Variants in MTNAP1 observed in about 807,000 individuals in gnomAD.
The protein encoded by MTNAP1 is mitochondrial nucleoid-associated protein 1.
At chr17:73,248,153 G>A in the MTNAP1 span, 1 of 263,282 alleles carries the variant, frequency 3.8e-6, no homozygotes, top group Non-Finnish European at 7.3e-6. Context: ...TTTCGCTCAT[G>A]TATGCAAAAT....
chr17:73,236,873 G>A, the MTNAP1 span: 2 of 1,613,982 alleles, frequency 1.2e-6, no homozygotes, highest in African/African-American at 2.7e-5. Flanking sequence ...GGGCTGGAGT[G>A]GTTTCCAGAG....
chr17:73,235,438 C>G, the MTNAP1 span: 1 of 1,501,008 alleles, frequency 6.7e-7, no homozygotes, highest in Non-Finnish European at 9.1e-7. Flanking sequence ...TATGTACAAA[C>G]TATGTGCTTC....
the MTNAP1 span, chr17:73,245,849 T>C: frequency 6.6e-6 from 3 of 455,166 alleles, no homozygotes; most frequent in Non-Finnish European, 8.7e-6. Context: ...CGGTGGCTAA[T>C]GTATCATCTC....
the MTNAP1 span, among the ~76,000 whole-genome samples, chr17:73,241,895 C>T: frequency 6.6e-6 from 1 of 152,170 alleles, no homozygotes; most frequent in Non-Finnish European, 1.5e-5. Context: ...TGCCACTGCA[C>T]TCCAGCCTGG....
At chr17:73,238,050 G>C in the MTNAP1 span, among the ~76,000 whole-genome samples, 1 of 152,222 alleles carries the variant, frequency 6.6e-6, no homozygotes, top group Admixed American at 6.5e-5. Context: ...CCTTGATTAT[G>C]AATCAAACTT....
chr17:73,236,468 G>C, the MTNAP1 span: 3 of 1,614,198 alleles, frequency 1.9e-6, no homozygotes, highest in South Asian at 3.3e-5. Flanking sequence ...ACTGTCATGA[G>C]CCATGGCTGT....
At chr17:73,235,263 G>GTT in the MTNAP1 span, among the ~76,000 whole-genome samples, 12 of 152,022 alleles carry the variant, frequency 7.9e-5, no homozygotes, top group Non-Finnish European at 1.2e-4. Flanking sequence ...CCTGGCCTAA[G>GTT]TTTTTTATTC....
the MTNAP1 span, chr17:73,247,617 C>CCTG: frequency 5.9e-6 from 2 of 338,162 alleles, no homozygotes; most frequent in East Asian, 6.3e-5. Flanking sequence ...GAGAATAGAA[C>CCTG]TATTTAATGA....
the MTNAP1 span, chr17:73,235,739 C>G: frequency 3.1e-6 from 5 of 1,614,138 alleles, no homozygotes; most frequent in Non-Finnish European, 4.2e-6. Flanking sequence ...GTGGACAAAC[C>G]AGAACAGACA....
At chr17:73,245,349 A>T in the MTNAP1 span, 1 of 1,377,566 alleles carries the variant, frequency 7.3e-7, no homozygotes, top group Non-Finnish European at 9.5e-7. Flanking sequence ...TAAAATAATG[A>T]TACAGGAAGT....
chr17:73,245,821 T>C, the MTNAP1 span: 4 of 683,772 alleles, frequency 5.8e-6, no homozygotes, highest in Non-Finnish European at 7.2e-6. Flanking sequence ...TACATCTTAA[T>C]TGAGTATAAT....
the MTNAP1 span, chr17:73,236,839 A>AG: frequency 1.2e-6 from 2 of 1,614,096 alleles, no homozygotes; most frequent in Non-Finnish European, 1.7e-6. Context: ...AGCTGCTGGC[A>AG]GGAAGACTCT....
At chr17:73,242,383 T>G in the MTNAP1 span, 5 of 1,450,656 alleles carry the variant, frequency 3.4e-6, no homozygotes, top group Non-Finnish European at 4.7e-6. Flanking sequence ...TGTCTTCTGT[T>G]GCAGGTTCTG....
the MTNAP1 span, chr17:73,247,287 C>T: frequency 6.2e-7 from 1 of 1,614,188 alleles, no homozygotes; most frequent in Non-Finnish European, 8.5e-7. Flanking sequence ...TACCTCCATG[C>T]ATTGGTGTGG....
the MTNAP1 span, chr17:73,245,223 C>T: frequency 6.2e-7 from 1 of 1,612,770 alleles, no homozygotes; most frequent in Non-Finnish European, 8.5e-7. Flanking sequence ...AGCTCTGGAA[C>T]AGCAAAGGGC....
At chr17:73,243,814 T>G in the MTNAP1 span, among the ~76,000 whole-genome samples, 6 of 152,330 alleles carry the variant, frequency 3.9e-5, no homozygotes, top group African/African-American at 1.2e-4. Flanking sequence ...ATTACAGGCA[T>G]GAGCCACCGC....
At chr17:73,246,741 T>C in the MTNAP1 span, among the ~76,000 whole-genome samples, 8 of 152,222 alleles carry the variant, frequency 5.3e-5, no homozygotes, top group African/African-American at 1.4e-4. Context: ...AATATATCCC[T>C]GTATCCTAGA....
chr17:73,240,817 A>G, the MTNAP1 span, among the ~76,000 whole-genome samples: 1 of 152,222 alleles, frequency 6.6e-6, no homozygotes, highest in Admixed American at 6.5e-5. Context: ...CATGGTTGCA[A>G]TTTTCAGGAA....
At chr17:73,248,755 C>T in the MTNAP1 span, 4 of 512,568 alleles carry the variant, frequency 7.8e-6, no homozygotes, top group Non-Finnish European at 1.4e-5. Flanking sequence ...GGATTAACCT[C>T]GGGGCGGCCT....
Sources: allele counts gnomAD v4.1 joint callset (sites outside exome capture counted in the v4.1 genomes callset), GRCh38; gene constraint gnomAD v4.1.1; transcripts MANE v1.5; gene names NCBI Gene and HGNC (gene_info 2026-07-23, HGNC 2026-07-21).